CLIP4: variants seen among roughly 807,000 people sequenced by gnomAD.
CLIP4 encodes CAP-Gly domain-containing linker protein 4.
Under a neutral mutation model 73.1 loss-of-function variants are expected in CLIP4, and 47 were observed. That is an observed-to-expected ratio of 0.64 (90% CI 0.51 to 0.82). The LOEUF (loss-of-function observed/expected upper bound fraction) is 0.82, where lower values mean the gene tolerates loss of function less well. Among genes scored for constraint, CLIP4 ranks in the 40% least tolerant of loss-of-function variants. The probability of loss-of-function intolerance (pLI) is 0.00; values close to 1 mark genes in which losing one functional copy is unlikely to be tolerated. For synonymous variants in CLIP4, 306 were observed against 295.4 expected, an observed-to-expected ratio of 1.04 and a Z score of -0.37; for missense variants, 874 against 852.9, an observed-to-expected ratio of 1.02 and a Z score of -0.31.
At chr2:29,174,668 T>C (rs1190812796) in intron 15 of CLIP4, 7 of 1,245,658 alleles carry the variant, frequency 5.6e-6, no homozygotes, top group Non-Finnish European at 7.0e-6. Context: ...GCATATATTT[T>C]ATCTTCATAG....
At chr2:29,118,704 G>T (rs1162674900) in intron 1 of CLIP4, among the ~76,000 whole-genome samples, 1 of 151,998 alleles carries the variant, frequency 6.6e-6, no homozygotes, top group Non-Finnish European at 1.5e-5. Flanking sequence ...ATTTTTAGTA[G>T]AGATGGGGTT....
chr2:29,132,273 C>T, intron 4 of CLIP4, 28 bp downstream of exon 4: 1 of 1,525,930 alleles, frequency 6.6e-7, no homozygotes, highest in Non-Finnish European at 9.1e-7. Context: ...CTATCAGTTG[C>T]TTATGTCATC....
In CLIP4 at chr2:29,143,793, A is replaced by T; in HGVS notation, c.733A>T (p.Lys245Ter). The change falls in exon 7 of 16, where the codon AAG (lysine) becomes TAG (stop). Residue 245 changes from lysine (K) to a stop codon, truncating the protein, a stop_gained. Coordinates refer to ENST00000320081, the MANE Select transcript of CLIP4 (RefSeq NM_024692.6). LOFTEE classifies it high-confidence loss of function. ...LEMADAAATAKEIKQMLLDAV... is the reference protein window; with the variant it reads ...LEMADAAATA Reference sequence around the variant, plus strand: ...GATGGCTGACGCCGCAGCCACTGCTAAGGAAATCAAGCAGATGCTTCTAGA... The same window carrying T: ...GATGGCTGACGCCGCAGCCACTGCTTAGGAAATCAAGCAGATGCTTCTAGA... 6.2e-7 allele frequency: 1 copy of T among 1,614,124 alleles called. No individual in the cohort carries two copies. Among genetic ancestry groups the T allele is most frequent in the Non-Finnish European group, 8.5e-7 (1 of 1,179,952 alleles).
intron 2 of CLIP4, among the ~76,000 whole-genome samples, chr2:29,125,501 C>T (rs1001235711): frequency 3.9e-5 from 6 of 152,122 alleles, no homozygotes; most frequent in East Asian, 1.9e-4. Flanking sequence ...TCTGTCTCCT[C>T]GACTCAGTGA....
chr2:29,126,751 A>T (rs1664632378), intron 2 of CLIP4, among the ~76,000 whole-genome samples: 1 of 152,204 alleles, frequency 6.6e-6, no homozygotes, highest in Admixed American at 6.5e-5. Context: ...CCCCACAGAA[A>T]CAGGCACAAA....
Position 29,152,749 on chromosome 2 carries a change from T to A in CLIP4, c.1086T>A (p.Thr362=). 3.1e-6 allele frequency: 5 copies of A among 1,613,808 alleles called. No homozygotes were observed. Among genetic ancestry groups the A allele is most frequent in the Non-Finnish European group, 4.2e-6 (5 of 1,179,826 alleles). The change falls in exon 9 of 16, where the codon ACT becomes ACA. Residue 362 remains threonine (T), a synonymous_variant. Transcript: ENST00000320081. ...GTCGAAGGAAGAATATAACACACACTCCTTCTACAAAAGCTGCTGTACCTC... is the reference window on the plus strand; with the variant it reads ...GTCGAAGGAAGAATATAACACACACACCTTCTACAAAAGCTGCTGTACCTC... The part of the protein sequence containing the change: ...AKGRRKNITH[T]PSTKAAVPLI...
At chr2:29,131,677 T>C in intron 3 of CLIP4, 1 of 285,506 alleles carries the variant, frequency 3.5e-6, no homozygotes, top group Non-Finnish European at 6.4e-6. Context: ...TTGTAAACTT[T>C]TATGCATTTC....
chr2:29,107,071 G>T (rs184420326), intron 1 of CLIP4, among the ~76,000 whole-genome samples: 1 of 152,076 alleles, frequency 6.6e-6, no homozygotes, highest in Non-Finnish European at 1.5e-5. Flanking sequence ...TTTCTTTGGC[G>T]AGGAGAGTCA....
chr2:29,098,039 C>T (rs953882553), intron 1 of CLIP4: 3 of 152,134 alleles, frequency 2.0e-5, no homozygotes, highest in Non-Finnish European at 4.4e-5. Context: ...CTGAACACAG[C>T]GTAGCATTAT....
intron 1 of CLIP4, among the ~76,000 whole-genome samples, chr2:29,107,663 C>T (rs148204643): frequency 0.023 from 3,547 of 151,612 alleles, 117 homozygotes; most frequent in East Asian, 0.092. Flanking sequence ...CATGAGCCAC[C>T]ACGCCTGGCT....
At chr2:29,154,832 G>A (rs1183840840) in intron 9 of CLIP4, among the ~76,000 whole-genome samples, 1 of 152,084 alleles carries the variant, frequency 6.6e-6, no homozygotes, top group African/African-American at 2.4e-5. Flanking sequence ...CAGAGGCTGC[G>A]GAAGCGGAAC....
intron 1 of CLIP4, among the ~76,000 whole-genome samples, chr2:29,120,575 G>A (rs1664187545): frequency 2.0e-5 from 3 of 152,106 alleles, no homozygotes; most frequent in Admixed American, 2.0e-4. Flanking sequence ...TTAAAAACAG[G>A]AATTCATGAT....
chr2:29,171,250 T>G (rs1177196179), intron 14 of CLIP4, among the ~76,000 whole-genome samples: 1 of 152,200 alleles, frequency 6.6e-6, no homozygotes, highest in African/African-American at 2.4e-5. Flanking sequence ...CTCCATTTAT[T>G]TATATCTTCT....
chr2:29,102,328 TG>T (rs1366573491), intron 1 of CLIP4, among the ~76,000 whole-genome samples: 2 of 152,198 alleles, frequency 1.3e-5, no homozygotes, highest in Non-Finnish European at 2.9e-5. Flanking sequence ...GAGAAAGTTT[TG>T]TTAGTGAAAG....
chr2:29,151,837 C>T (rs1194532296), intron 8 of CLIP4, among the ~76,000 whole-genome samples: 2 of 152,050 alleles, frequency 1.3e-5, no homozygotes, highest in African/African-American at 4.8e-5. Flanking sequence ...TCTGTATTCA[C>T]TATCTCTAAT....
chr2:29,162,873 A>G (rs988865630), intron 12 of CLIP4, among the ~76,000 whole-genome samples: 11 of 152,194 alleles, frequency 7.2e-5, no homozygotes, highest in Non-Finnish European at 1.3e-4. Flanking sequence ...GCATATAATT[A>G]ACTCTTTGAA....
chr2:29,163,695 T>A (rs1008702273), intron 12 of CLIP4, 136 bp from the exon 13 acceptor site: 3 of 742,300 alleles, frequency 4.0e-6, no homozygotes, highest in Non-Finnish European at 6.1e-6. Context: ...ATTTGAAATC[T>A]TAATGAGTAT....
At chr2:29,153,857 C>T (rs1196270734) in intron 9 of CLIP4, among the ~76,000 whole-genome samples, 1 of 152,034 alleles carries the variant, frequency 6.6e-6, no homozygotes, top group African/African-American at 2.4e-5. Context: ...AGTGGAAAAC[C>T]TCCTATCTCA....
At position 29,165,262 on chromosome 2, in the gene CLIP4, C is replaced by CTTT. The variant is rs70958247; in HGVS notation, c.1658+1316_1658+1318dup. On this transcript the variant is annotated intron_variant, in intron 13 of 15. Transcript: ENST00000320081. ...TAGATGGTTTGTTCTTTCTTTCTTT[C>CTTT]TTTTTTTTTTGTATTTGTTTTATAA... Among the ~76,000 whole-genome samples, 7 of 148,974 alleles carry CTTT rather than the reference C, an allele frequency of 4.7e-5. No homozygotes were observed. In the East Asian group the frequency reaches 9.8e-4, roughly 21 times the overall value.
Sources: allele counts gnomAD v4.1 joint callset (sites outside exome capture counted in the v4.1 genomes callset), GRCh38; gene constraint gnomAD v4.1.1; transcripts MANE v1.5; gene names NCBI Gene and HGNC (gene_info 2026-07-23, HGNC 2026-07-21).